Variants in ORC6 observed in about 807,000 individuals in gnomAD.
ORC6 encodes the protein origin recognition complex subunit 6.
In ORC6, 31 loss-of-function variants were observed where a neutral mutation model predicts 30.0. The ratio of observed to expected loss-of-function variants is 1.03; its 90% CI spans 0.78 to 1.40. ORC6 has a LOEUF of 1.40. Ranked by LOEUF, ORC6 falls within the 40% of genes most tolerant of loss-of-function variation. The pLI is 0.00. For synonymous variants in ORC6, 136 were observed against 111.2 expected, an observed-to-expected ratio of 1.22 and a Z score of -1.40; for missense variants, 340 against 304.3, an observed-to-expected ratio of 1.12 and a Z score of -0.87.
At chr16:46,696,300 A>C (rs1238830738) in intron 6 of ORC6, 2 of 581,480 alleles carry the variant, frequency 3.4e-6, no homozygotes, top group East Asian at 6.2e-5. Flanking sequence ...TTATTCCTGT[A>C]ATCCCAGCAC....
chr16:46,697,625 A>G lies in ORC6; in HGVS notation c.*40A>G, dbSNP rs1966532775. The stretch of plus-strand genomic sequence containing the variant: ...CTGGTATACATTCCAAACTGATAGT[A>G]CATTGCCATCTCCAGGAAGACTTGA... On this transcript the variant is annotated 3_prime_UTR_variant, in exon 7 of 7. Coordinates refer to ENST00000219097, the MANE Select transcript of ORC6 (RefSeq NM_014321.4). The G allele has an allele frequency of 6.2e-7, 1 of 1,600,450 alleles. No homozygotes were observed. The highest frequency in any genetic ancestry group is 1.1e-5 in the South Asian group (1 of 90,832).
chr16:46,691,197 C>T (rs749421153), intron 2 of ORC6, 77 bp downstream of exon 2: 65 of 1,346,258 alleles, frequency 4.8e-5, no homozygotes, highest in Non-Finnish European at 6.6e-5. Flanking sequence ...GAACTAAACC[C>T]TAGTAAAAAC....
intron 2 of ORC6, among the ~76,000 whole-genome samples, chr16:46,691,958 A>ACACTCTCTCTCTCTCTCTCTCTCT: frequency 5.5e-5 from 2 of 36,660 alleles, no homozygotes; most frequent in Admixed American, 4.0e-4. Flanking sequence ...ACACACACAC[A>ACACTCTCTCTCTCTCTCTCTCTCT]CTCTCTCTCT....
chr16:46,693,855 T>TA (rs1567274504), intron 4 of ORC6: 4 of 132,386 alleles, frequency 3.0e-5, no homozygotes, highest in Non-Finnish European at 6.4e-5. Context: ...TATTTTTATT[T>TA]TTTTTTTTTT....
At chr16:46,696,878 A>G (rs553875326) in intron 6 of ORC6, among the ~76,000 whole-genome samples, 1 of 150,660 alleles carries the variant, frequency 6.6e-6, no homozygotes, top group African/African-American at 2.4e-5. Context: ...CTGGTCTTGA[A>G]CTCCTGGGCT....
At chr16:46,691,958 A>ACACACACACTCTCTCTCT in intron 2 of ORC6, among the ~76,000 whole-genome samples, 393 of 36,662 alleles carry the variant, frequency 0.011, 5 homozygotes, top group East Asian at 0.031. Context: ...ACACACACAC[A>ACACACACACTCTCTCTCT]CTCTCTCTCT....
intron 2 of ORC6, among the ~76,000 whole-genome samples, chr16:46,691,958 A>ACACACACACTCTCTCTCTCTCTCT: frequency 0.057 from 2,073 of 36,626 alleles, 130 homozygotes; most frequent in East Asian, 0.086. Context: ...ACACACACAC[A>ACACACACACTCTCTCTCTCTCTCT]CTCTCTCTCT....
intron 6 of ORC6, among the ~76,000 whole-genome samples, chr16:46,696,661 T>C (rs1312854548): frequency 6.6e-6 from 1 of 152,144 alleles, no homozygotes; most frequent in Non-Finnish European, 1.5e-5. Flanking sequence ...GGTTTTTTGG[T>C]TTCTCTTTTT....
chr16:46,693,239 C>T, intron 4 of ORC6, 57 bp downstream of exon 4: 1 of 1,036,424 alleles, frequency 9.6e-7, no homozygotes, highest in Non-Finnish European at 1.5e-6. Context: ...GGTTTTTCAT[C>T]CCCAAGGAAT....
chr16:46,696,227 A>G (rs574747451), intron 6 of ORC6, 142 bp downstream of exon 6: 65 of 705,262 alleles, frequency 9.2e-5, no homozygotes, highest in African/African-American at 8.9e-4. Flanking sequence ...TTTCCAAGCA[A>G]TCAGTAATGG....
At chr16:46,693,016 A>G in intron 3 of ORC6, 77 bp from the exon 4 acceptor site, 1 of 983,630 alleles carries the variant, frequency 1.0e-6, no homozygotes, top group Non-Finnish European at 1.6e-6. Context: ...AAAAGCTTGT[A>G]AGTTCTGGTT....
At chr16:46,689,963 T>C in intron 1 of ORC6, 193 bp downstream of exon 1, 3 of 733,882 alleles carry the variant, frequency 4.1e-6, no homozygotes, top group East Asian at 3.1e-5. Flanking sequence ...AGAAGGGCGA[T>C]AGCAAACGGC....
intron 4 of ORC6, chr16:46,693,846 A>ATTTTTTTTTTTTTTTTT (rs145836929): frequency 2.3e-5 from 1 of 42,794 alleles, no homozygotes; most frequent in African/African-American, 1.2e-4. Context: ...TTTTATTTTT[A>ATTTTTTTTTTTTTTTTT]TTTTTATTTT....
rs574592042 is a variant in ORC6, at chr16:46,689,733, G to A, written c.28G>A (p.Ala10Thr). MGSELIGRL[A>T]PRLGLAEPDM... ...GGGGTCGGAGCTGATCGGGCGCCTA[G>A]CCCCGCGCCTGGGCCTCGCCGAGCC... Residue 10 changes from alanine to threonine, a missense_variant, in exon 1 of 7, where the codon GCC (alanine) becomes ACC (threonine). Coordinates refer to ENST00000219097, the MANE Select transcript of ORC6 (RefSeq NM_014321.4). 8.7e-6 allele frequency: 14 copies of A among 1,602,318 alleles called. No homozygotes were observed. The African/African-American group carries it at 9.4e-5, about 11-fold the overall frequency.
At chr16:46,695,749 A>T (rs1966511796) in intron 5 of ORC6, 75 bp downstream of exon 5, 2 of 988,136 alleles carry the variant, frequency 2.0e-6, no homozygotes, top group Non-Finnish European at 1.6e-6. Flanking sequence ...AATATTTTCA[A>T]ATATGTAAAC....
In ORC6 at chr16:46,697,755, C is replaced by G. The variant is rs577189944; in HGVS notation, c.*170C>G. 77 of 744,804 alleles carry G rather than the reference C, an allele frequency of 1.0e-4. No homozygotes were observed. In the East Asian group the frequency reaches 2.1e-3, roughly 20 times the overall value. The allele number at this position is 744,804 out of a possible 1,614,324, so 46.1% of individuals were successfully genotyped here. Reference sequence around the variant, plus strand: ...AGGCTAAGTCTGGGCAGTGGGCTGGCCCCTGGTGTGAGCATTAGACCAGCC... The same window carrying G: ...AGGCTAAGTCTGGGCAGTGGGCTGGGCCCTGGTGTGAGCATTAGACCAGCC... On this transcript the variant is annotated 3_prime_UTR_variant, in exon 7 of 7. Transcript: ENST00000219097.
In ORC6 at chr16:46,697,029, T is replaced by C. The variant is rs969909671; in HGVS notation, c.632-429T>C. 4.6e-5 allele frequency among the ~76,000 whole-genome samples: 7 copies of C among 152,346 alleles called. No homozygotes were observed. In the South Asian group the frequency reaches 1.4e-3, roughly 32 times the overall value. ...CTGACCTATAAAATGTGATTAATAT[T>C]ATCACCTATTACGGAGTGTAGTAGG... is the stretch of plus-strand genomic sequence containing the variant. On this transcript the variant is annotated intron_variant, in intron 6 of 6. Transcript: ENST00000219097.
intron 4 of ORC6, 98 bp downstream of exon 4, chr16:46,693,280 C>T (rs1020975127): frequency 2.6e-6 from 2 of 771,614 alleles, no homozygotes; most frequent in Non-Finnish European, 4.7e-6. Flanking sequence ...CAATTCAGAG[C>T]ATATTTTCCC....
At chr16:46,693,425 G>A (rs1326015859) in intron 4 of ORC6, 1 of 560,294 alleles carries the variant, frequency 1.8e-6, no homozygotes, top group Non-Finnish European at 3.2e-6. Flanking sequence ...TGGGAATTCT[G>A]ATTTCAGTCT....
Sources: gnomAD v4.1 joint callset for allele counts (sites outside exome capture counted in the v4.1 genomes callset) on GRCh38, gnomAD v4.1.1 for gene constraint, MANE v1.5 for transcripts, NCBI Gene and HGNC (gene_info 2026-07-23, HGNC 2026-07-21) for gene names.